VASP: variants seen among roughly 807,000 people sequenced by gnomAD.
The protein encoded by VASP is vasodilator-stimulated phosphoprotein.
Under a neutral mutation model 54.4 loss-of-function variants are expected in VASP, and 27 were observed. That is an observed-to-expected ratio of 0.50 (90% confidence interval 0.37 to 0.68). The LOEUF (loss-of-function observed/expected upper bound fraction) is 0.68, where lower values mean the gene tolerates loss of function less well. VASP is among the 30% of genes least tolerant of loss of function. The probability of loss-of-function intolerance (pLI) is 0.00; values close to 1 mark genes in which losing one functional copy is unlikely to be tolerated. For missense variants in VASP, 488 were observed against 528.3 expected, an observed-to-expected ratio of 0.92 and a Z score of 0.75; for synonymous variants, 233 against 209.8, an observed-to-expected ratio of 1.11 and a Z score of -0.96.
rs1254733158 is a variant in VASP at position 45,522,650 on chromosome 19, C to T, written c.721-68C>T. The T allele has an allele frequency of 1.4e-5, 22 of 1,565,642 alleles. 1 individual carries two copies. Among genetic ancestry groups the T allele is most frequent in the African/African-American group, 2.8e-5 (2 of 72,228 alleles). ...TGGGGGATGAGGCCAGGGCTGCCGG[C>T]GGTGTCATTGGGCTGGAAGGCCAAA... On this transcript the variant is annotated intron_variant, in intron 6 of 12. Transcript: ENST00000245932.
intron 1 of VASP, among the ~76,000 whole-genome samples, chr19:45,515,508 C>A (rs993377804): frequency 6.6e-6 from 1 of 152,124 alleles, no homozygotes; most frequent in Non-Finnish European, 1.5e-5. Flanking sequence ...GAGCTCTCGG[C>A]GTGTGCTGGA....
chr19:45,521,964 A>T (rs1377442152), intron 4 of VASP, among the ~76,000 whole-genome samples: 1 of 151,494 alleles, frequency 6.6e-6, no homozygotes, highest in Non-Finnish European at 1.5e-5. Context: ...TCGCATCCTG[A>T]TCTCTCCCTG....
At chr19:45,524,510 C>A in intron 10 of VASP, 60 bp from the exon 11 acceptor site, 2 of 1,513,322 alleles carry the variant, frequency 1.3e-6, no homozygotes, top group Non-Finnish European at 1.8e-6. Flanking sequence ...GAATAGGAGG[C>A]GGGGAAGCAG....
intron 1 of VASP, among the ~76,000 whole-genome samples, chr19:45,517,387 T>TGTCC (rs1555728250): frequency 0.13 from 19,665 of 151,162 alleles, 1,513 homozygotes; most frequent in East Asian, 0.34. Context: ...TCTGTCTGTC[T>TGTCC]GCCTTCAGTC....
intron 1 of VASP, among the ~76,000 whole-genome samples, chr19:45,515,443 G>A (rs1330369074): frequency 2.0e-5 from 3 of 152,168 alleles, no homozygotes; most frequent in African/African-American, 7.2e-5. Context: ...GGTCCCGAGG[G>A]TTGTAGCTGT....
In VASP at chr19:45,507,947, C is replaced by T. The variant is rs779135266; in HGVS notation, c.5+171C>T. 2.0e-5 allele frequency among the ~76,000 whole-genome samples: 3 copies of T among 152,136 alleles called. No individual in the cohort carries two copies. The highest frequency in any genetic ancestry group is 6.5e-5 in the Admixed American group (1 of 15,280). On this transcript the variant is annotated intron_variant, in intron 1 of 12. Coordinates refer to ENST00000245932, the MANE Select transcript of VASP (RefSeq NM_003370.4). The surrounding 1 kb of genome is among the most constrained non-coding windows in gnomAD (Gnocchi z 4.4). ...CGCCCCAGAACCGTCGATCACTTCT[C>T]CACGACTGACTCCCCAAGCTCGGGG...
In VASP at chr19:45,524,676, A is replaced by G. The variant is rs369795885; in HGVS notation, c.1047+16A>G. The G allele has an allele frequency of 1.4e-5, 23 of 1,612,004 alleles. No individual in the cohort carries two copies. Among genetic ancestry groups the G allele is most frequent in the African/African-American group, 2.7e-5 (2 of 74,928 alleles). Reference sequence around the variant, plus strand: ...GGTGAAACAGGTAACTTGGGGGGGAAGTTGGGGACCACAGCAAGAGAGATC... The same window carrying G: ...GGTGAAACAGGTAACTTGGGGGGGAGGTTGGGGACCACAGCAAGAGAGATC... On this transcript the variant is annotated intron_variant, in intron 11 of 12. Transcript: ENST00000245932.
At chr19:45,520,770 C>T (rs529685783) in intron 3 of VASP, among the ~76,000 whole-genome samples, 3 of 152,210 alleles carry the variant, frequency 2.0e-5, no homozygotes, top group Non-Finnish European at 4.4e-5. Flanking sequence ...TCGAGACCAG[C>T]CTAGCCAACA....
At chr19:45,515,576 G>A (rs971091069) in intron 1 of VASP, among the ~76,000 whole-genome samples, 19 of 152,044 alleles carry the variant, frequency 1.2e-4, no homozygotes, top group African/African-American at 3.9e-4. Context: ...TCACTCTGTC[G>A]CCCAGGCTGG....
At chr19:45,521,135 C>G (rs1968821885) in intron 3 of VASP, among the ~76,000 whole-genome samples, 187 bp from the exon 4 acceptor site, 1 of 152,234 alleles carries the variant, frequency 6.6e-6, no homozygotes, top group Admixed American at 6.5e-5. Flanking sequence ...CAACTCAGGC[C>G]AGGGAAGTTG....
intron 11 of VASP, chr19:45,525,706 A>AG: frequency 2.4e-6 from 1 of 415,402 alleles, no homozygotes; most frequent in East Asian, 4.4e-5. Context: ...AAAAAAAAAA[A>AG]GAAAAAGAAA....
chr19:45,524,601 G>A lies in VASP; in HGVS notation c.988G>A (p.Glu330Lys), dbSNP rs374049612. ...MKSSSSVTTSETQPCTPSSSD... is the reference protein window; with the variant it reads ...MKSSSSVTTSKTQPCTPSSSD... Reference sequence around the variant, plus strand: ...GTCGTCTTCTTCGGTGACCACTTCCGAGACCCAACCCTGCACGCCCAGCTC... The same window carrying A: ...GTCGTCTTCTTCGGTGACCACTTCCAAGACCCAACCCTGCACGCCCAGCTC... The change falls in exon 11 of 13, where the codon GAG (glutamate) becomes AAG (lysine). Residue 330 changes from glutamate (E) to lysine (K), a missense_variant. Glu to Lys is a moderately conservative substitution (Grantham distance 56). Around this residue, in one of 4 missense-constraint regions of VASP, gnomAD observed 126 missense variants for 134.8 expected, o/e 0.94. Transcript: ENST00000245932. 34 of 1,613,920 alleles carry A rather than the reference G, an allele frequency of 2.1e-5. No homozygotes were observed. The African/African-American group carries it at 3.3e-4, about 16-fold the overall frequency.
chr19:45,519,692 T>TTC (rs1283518790), intron 3 of VASP, among the ~76,000 whole-genome samples: 2 of 144,776 alleles, frequency 1.4e-5, no homozygotes, highest in South Asian at 2.3e-4. Context: ...GCCTCCCGGG[T>TTC]AAATGCCATT....
Position 45,526,379 on chromosome 19 carries a change from C to G in VASP, c.*202C>G, listed in dbSNP as rs972759518. The G allele has an allele frequency of 2.3e-5, 14 of 606,994 alleles. No individual in the cohort carries two copies. In the East Asian group the frequency reaches 4.5e-4, roughly 19 times the overall value. The allele number at this position is 606,994 out of a possible 1,614,324, so 37.6% of individuals were successfully genotyped here. A position where few individuals can be genotyped will look rare whatever the true frequency, so the allele number is the denominator to read the frequency against. On this transcript the variant is annotated 3_prime_UTR_variant, in exon 13 of 13. Coordinates refer to ENST00000245932, the MANE Select transcript of VASP (RefSeq NM_003370.4). ...TGGCTGCTGATTGGCTGGGGAGGCC[C>G]CCGCCCTTTTCTCCCTTTGGTCCTT... is the stretch of plus-strand genomic sequence containing the variant.
At chr19:45,523,766 G>T in intron 8 of VASP, 71 bp downstream of exon 8, 1 of 1,613,976 alleles carries the variant, frequency 6.2e-7, no homozygotes, top group Non-Finnish European at 8.5e-7. Flanking sequence ...TGGGATGTGT[G>T]GGGTTTGAAC....
At chr19:45,524,891 A>G (rs1412680964) in intron 11 of VASP, 2 of 437,720 alleles carry the variant, frequency 4.6e-6, no homozygotes, top group African/African-American at 4.0e-5. Flanking sequence ...AGTGCCTTGA[A>G]TTCTTTCCGC....
rs148069817 is a variant in VASP, at chr19:45,519,658, C to T, written c.343+1564C>T. Among the ~76,000 whole-genome samples, 656 of 144,046 alleles carry T rather than the reference C, an allele frequency of 4.6e-3. 5 individuals carry two copies. The highest frequency in any genetic ancestry group is 0.016 in the African/African-American group (609 of 38,636). 94.5% of individuals were successfully genotyped at this position (144,046 alleles called of 152,430 possible). ...GTCCCCAGGTTGGAGTGCAGTGGCG[C>T]GATCTCCGCTCGCTGCAAGCTCTGC... On this transcript the variant is annotated intron_variant, in intron 3 of 12. Transcript: ENST00000245932.
At chr19:45,520,888 C>T (rs372298795) in intron 3 of VASP, among the ~76,000 whole-genome samples, 2 of 152,132 alleles carry the variant, frequency 1.3e-5, no homozygotes, top group African/African-American at 2.4e-5. Context: ...CTCTTGAACC[C>T]GGGAGGTGGA....
rs1568390471 is a variant in VASP at position 45,523,189 on chromosome 19, A to ATTTTTTTTTTTTT, written c.821+371_821+372insTTTTTTTTTTTTT. Among the ~76,000 whole-genome samples, 26 of 106,996 alleles carry ATTTTTTTTTTTTT rather than the reference A, an allele frequency of 2.4e-4. 4 individuals are homozygous for ATTTTTTTTTTTTT. Among genetic ancestry groups the ATTTTTTTTTTTTT allele is most frequent in the African/African-American group, 3.6e-4 (9 of 24,748 alleles). 70.2% of individuals were successfully genotyped at this position (106,996 alleles called of 152,430 possible). A position where few individuals can be genotyped will look rare whatever the true frequency, so the allele number is the denominator to read the frequency against. ...CTGATTCTAGAACCACAATCTCTTG[A>ATTTTTTTTTTTTT]ATTTTTTTTTTTTTTTTTTTTTTTT... On this transcript the variant is annotated intron_variant, in intron 7 of 12. Transcript: ENST00000245932.
Sources: gnomAD v4.1 joint callset for allele counts (sites outside exome capture counted in the v4.1 genomes callset) on GRCh38, gnomAD v4.1.1 for gene constraint, gnomAD v4.1.1 regional missense constraint, Gnocchi (gnomAD v3.1) non-coding constraint, MANE v1.5 for transcripts, NCBI Gene and HGNC (gene_info 2026-07-23, HGNC 2026-07-21) for gene names.